The following DDX10 variants were observed in gnomAD, a reference collection of about 807,000 sequenced individuals.
The protein encoded by DDX10 is probable ATP-dependent RNA helicase DDX10.
A neutral mutation model predicts 104.3 loss-of-function variants in DDX10; 74 were observed. The ratio of observed to expected loss-of-function variants is 0.71; its 90% CI spans 0.59 to 0.86. DDX10 has a LOEUF of 0.86. DDX10 is among the 40% of genes least tolerant of loss of function. DDX10 has a pLI of 0.00. For synonymous variants in DDX10, 351 were observed against 353.4 expected, an observed-to-expected ratio of 0.99 and a Z score of 0.08; for missense variants, 952 against 1,040.0, an observed-to-expected ratio of 0.92 and a Z score of 1.16.
At chr11:108,865,165 G>A (rs547899305) in intron 16 of DDX10, among the ~76,000 whole-genome samples, 62 of 152,288 alleles carry the variant, frequency 4.1e-4, no homozygotes, top group African/African-American at 1.4e-3. Context: ...CACACTGGGA[G>A]AGAGTGGCCC....
chr11:108,803,259 A>ATTT (rs5794606), intron 13 of DDX10, among the ~76,000 whole-genome samples: 2 of 146,872 alleles, frequency 1.4e-5, no homozygotes, highest in Middle Eastern at 3.6e-3. Flanking sequence ...CCTAGTAGCA[A>ATTT]TTTTTTTTTT....
chr11:108,805,192 T>G (rs1316365888), intron 13 of DDX10, among the ~76,000 whole-genome samples: 1 of 152,250 alleles, frequency 6.6e-6, no homozygotes, highest in Non-Finnish European at 1.5e-5. Flanking sequence ...AAACAGTATG[T>G]TGCAGCATGA....
chr11:108,792,332 T>C (rs146425978), intron 13 of DDX10, among the ~76,000 whole-genome samples: 1 of 152,330 alleles, frequency 6.6e-6, no homozygotes, highest in East Asian at 1.9e-4. Context: ...TTAAAAACTT[T>C]ACCTTAACAA....
intron 12 of DDX10, among the ~76,000 whole-genome samples, chr11:108,721,084 G>T (rs114040575): frequency 8.6e-4 from 131 of 152,172 alleles, no homozygotes; most frequent in African/African-American, 3.1e-3. Flanking sequence ...GGCAAGGTCT[G>T]TATGTTTGGC....
At chr11:108,779,675 AT>A (rs1283110840) in intron 13 of DDX10, among the ~76,000 whole-genome samples, 2 of 152,206 alleles carry the variant, frequency 1.3e-5, no homozygotes, top group Non-Finnish European at 2.9e-5. Flanking sequence ...AAATAAAAAA[AT>A]AAAAAATAAT....
At chr11:108,752,465 G>A (rs2094339914) in intron 13 of DDX10, among the ~76,000 whole-genome samples, 1 of 152,040 alleles carries the variant, frequency 6.6e-6, no homozygotes, top group Non-Finnish European at 1.5e-5. Context: ...ATTCACAACT[G>A]TCACCTGATA....
At chr11:108,737,018 T>C (rs2094319264) in intron 13 of DDX10, among the ~76,000 whole-genome samples, 1 of 152,186 alleles carries the variant, frequency 6.6e-6, no homozygotes, top group African/African-American at 2.4e-5. Context: ...GTAGCACTTC[T>C]TGCTTTTTTT....
At chr11:108,803,198 C>G (rs1201597802) in intron 13 of DDX10, among the ~76,000 whole-genome samples, 4 of 152,024 alleles carry the variant, frequency 2.6e-5, no homozygotes, top group African/African-American at 9.7e-5. Context: ...ATATTGCAAG[C>G]TCTCTGCTAC....
intron 16 of DDX10, among the ~76,000 whole-genome samples, chr11:108,888,888 G>C (rs1863338039): frequency 1.3e-5 from 2 of 152,100 alleles, no homozygotes; most frequent in Non-Finnish European, 2.9e-5. Context: ...ATGATTTAGT[G>C]ATAAGAACAT....
At chr11:108,877,940 C>A (rs1565306489) in intron 16 of DDX10, among the ~76,000 whole-genome samples, 1 of 152,188 alleles carries the variant, frequency 6.6e-6, no homozygotes, top group Non-Finnish European at 1.5e-5. Context: ...ATGGGGCTAG[C>A]AAATGTGTCT....
At chr11:108,876,372 G>A (rs1455126305) in intron 16 of DDX10, among the ~76,000 whole-genome samples, 1 of 152,128 alleles carries the variant, frequency 6.6e-6, no homozygotes, top group East Asian at 1.9e-4. Context: ...CATAAGTTAT[G>A]TACCAGGAAA....
intron 13 of DDX10, among the ~76,000 whole-genome samples, chr11:108,792,746 C>T (rs572418119): frequency 1.3e-4 from 20 of 151,672 alleles, no homozygotes; most frequent in African/African-American, 2.9e-4. Context: ...TTTTCACGTC[C>T]GTATATATTT....
chr11:108,848,941 G>A (rs983878427), intron 15 of DDX10, among the ~76,000 whole-genome samples: 6 of 152,056 alleles, frequency 3.9e-5, no homozygotes, highest in Non-Finnish European at 5.9e-5. Flanking sequence ...CATGTGGCTC[G>A]GTAAATATTC....
chr11:108,896,513 A>G (rs1308233680), intron 16 of DDX10, among the ~76,000 whole-genome samples: 1 of 152,156 alleles, frequency 6.6e-6, no homozygotes, highest in Middle Eastern at 3.2e-3. Context: ...TTAGCTCAGG[A>G]TGCTAACCCA....
At chr11:108,803,581 C>T (rs1432021859) in intron 13 of DDX10, among the ~76,000 whole-genome samples, 3 of 32,858 alleles carry the variant, frequency 9.1e-5, no homozygotes, top group East Asian at 2.4e-3. Context: ...GCAACAAGAG[C>T]GAAAAAAAAA....
At chr11:108,701,845 C>A (rs1030185868) in intron 9 of DDX10, among the ~76,000 whole-genome samples, 1 of 152,078 alleles carries the variant, frequency 6.6e-6, no homozygotes, top group Admixed American at 6.5e-5. Context: ...GCCACCATAC[C>A]TGGCTAATTT....
intron 16 of DDX10, among the ~76,000 whole-genome samples, chr11:108,904,399 T>A (rs759168917): frequency 7.2e-5 from 11 of 152,226 alleles, no homozygotes; most frequent in Non-Finnish European, 1.5e-4. Context: ...TTAGTGTTTC[T>A]GCCTTTTTGA....
intron 13 of DDX10, among the ~76,000 whole-genome samples, chr11:108,742,466 G>A (rs2094326415): frequency 6.6e-6 from 1 of 152,078 alleles, no homozygotes; most frequent in South Asian, 2.1e-4. Flanking sequence ...TCAGGAGGCT[G>A]AGGCAGGAGA....
chr11:108,857,722 A>G (rs917174862), intron 16 of DDX10, among the ~76,000 whole-genome samples: 3 of 152,250 alleles, frequency 2.0e-5, no homozygotes, highest in African/African-American at 7.2e-5. Context: ...ACATACAGCT[A>G]GGAAATGGCA....
Sources: allele counts gnomAD v4.1 joint callset (sites outside exome capture counted in the v4.1 genomes callset), GRCh38; gene constraint gnomAD v4.1.1; transcripts MANE v1.5; gene names NCBI Gene and HGNC (gene_info 2026-07-23, HGNC 2026-07-21).